DCLK1: variants seen among roughly 807,000 people sequenced by gnomAD.
The protein encoded by DCLK1 is doublecortin like kinase 1, also known as serine/threonine-protein kinase DCLK1.
Under a neutral mutation model 86.2 loss-of-function variants are expected in DCLK1, and 16 were observed. The ratio of observed to expected loss-of-function variants is 0.19; its 90% CI spans 0.13 to 0.28. DCLK1 has a LOEUF of 0.28. DCLK1 is among the 10% of genes least tolerant of loss of function. The probability of loss-of-function intolerance (pLI) is 1.00; values close to 1 mark genes in which losing one functional copy is unlikely to be tolerated. For synonymous variants in DCLK1, 369 were observed against 370.5 expected (o/e 1.00, Z 0.05); for missense variants, 590 against 940.2 (o/e 0.63, Z 4.87).
chr13:35,933,221 T>C (rs1876555254), intron 4 of DCLK1, among the ~76,000 whole-genome samples: 1 of 152,212 alleles, frequency 6.6e-6, no homozygotes, highest in Admixed American at 6.5e-5. Context: ...GCCCTGTGGC[T>C]TTGCAAGGTA....
chr13:35,979,294 G>A (rs1470653476), intron 3 of DCLK1, among the ~76,000 whole-genome samples: 1 of 152,132 alleles, frequency 6.6e-6, no homozygotes, highest in Admixed American at 6.6e-5. Flanking sequence ...CAGAAGACCC[G>A]GCCGGGGAAG....
In DCLK1 at chr13:36,006,889, G is replaced by A. The variant is rs567789719; in HGVS notation, c.724-59432C>T. The stretch of plus-strand genomic sequence containing the variant: ...CTATGAGAATCAGATAAGAGAGTAT[G>A]TATTTGGAAGACCGTCTTGATACCT... On this transcript the variant is annotated intron_variant, in intron 3 of 16. Coordinates refer to ENST00000360631, the MANE Select transcript of DCLK1 (RefSeq NM_001330071.2). Among the ~76,000 whole-genome samples, 16 of 152,352 alleles carry A rather than the reference G, an allele frequency of 1.1e-4. No homozygotes were observed. In the South Asian group the frequency reaches 2.5e-3, roughly 24 times the overall value.
chr13:35,809,404 A>G (rs546928257), intron 12 of DCLK1, among the ~76,000 whole-genome samples: 2 of 152,350 alleles, frequency 1.3e-5, no homozygotes, highest in South Asian at 4.1e-4. Context: ...AACAATTCTG[A>G]GATAAGGATG....
At chr13:36,081,808 G>A (rs1203869233) in intron 3 of DCLK1, among the ~76,000 whole-genome samples, 1 of 152,134 alleles carries the variant, frequency 6.6e-6, no homozygotes, top group African/African-American at 2.4e-5. Context: ...AGATAAAACA[G>A]AGCGACCGAT....
rs1869363401 is a variant in DCLK1, at chr13:35,836,161, T to G, written c.1121-20A>C. 2 of 1,582,278 alleles carry G rather than the reference T, an allele frequency of 1.3e-6. No individual in the cohort carries two copies. The highest frequency in any genetic ancestry group is 4.5e-5 in the East Asian group (2 of 44,710). On this transcript the variant is annotated intron_variant, in intron 7 of 16. Coordinates refer to ENST00000360631, the MANE Select transcript of DCLK1 (RefSeq NM_001330071.2). ...ACACTTCTGAAAGAATCATTAATACTTTTTTATTGGTTGAAAAGGGAACAC... is the reference window on the plus strand; with the variant it reads ...ACACTTCTGAAAGAATCATTAATACGTTTTTATTGGTTGAAAAGGGAACAC...
intron 3 of DCLK1, among the ~76,000 whole-genome samples, chr13:35,956,337 G>A (rs908332122): frequency 1.4e-4 from 22 of 152,144 alleles, no homozygotes; most frequent in Non-Finnish European, 2.6e-4. Context: ...CTATTGCTGA[G>A]AGGCAAACTT....
At chr13:35,899,737 T>G (rs1003172889) in intron 4 of DCLK1, among the ~76,000 whole-genome samples, 2 of 152,118 alleles carry the variant, frequency 1.3e-5, no homozygotes, top group African/African-American at 2.4e-5. Context: ...AACTTACAAC[T>G]TTGGAAGCTT....
rs373959374 is a variant in DCLK1 at position 35,833,509 on chromosome 13, C to G, written c.1229+2524G>C. Among the ~76,000 whole-genome samples, 7 of 152,274 alleles carry G rather than the reference C, an allele frequency of 4.6e-5. No individual in the cohort carries two copies. The East Asian group carries it at 1.2e-3, about 25-fold the overall frequency. ...TAGTATGTCCCAGGTACCCCAGAGG[C>G]CACTCAAGAAGTTACTCCTGGAGCA... On this transcript the variant is annotated intron_variant, in intron 8 of 16. Transcript: ENST00000360631.
intron 3 of DCLK1, among the ~76,000 whole-genome samples, chr13:36,041,082 C>A (rs1184531898): frequency 6.6e-6 from 1 of 152,004 alleles, no homozygotes; most frequent in Non-Finnish European, 1.5e-5. Context: ...TATTAAACAC[C>A]AAAATCCAGG....
intron 4 of DCLK1, among the ~76,000 whole-genome samples, chr13:35,943,601 G>A (rs920002882): frequency 6.6e-6 from 1 of 152,148 alleles, no homozygotes; most frequent in East Asian, 1.9e-4. Context: ...GCCTGGCCAA[G>A]GTGAGGCTCC....
rs78315018 is a variant in DCLK1 at position 35,791,652 on chromosome 13, C to G, written c.2058+1714G>C. The stretch of plus-strand genomic sequence containing the variant: ...GGAAAATTGCCCTGACGTTCCTGCC[C>G]TTAGTCATTGTAAGACTCCTAGAAT... On this transcript the variant is annotated intron_variant, in intron 16 of 16. Transcript: ENST00000360631. Among the ~76,000 whole-genome samples, 997 of 152,182 alleles carry G rather than the reference C, an allele frequency of 6.6e-3. 5 individuals are homozygous for G. The highest frequency in any genetic ancestry group is 0.022 in the African/African-American group (895 of 41,516).
intron 3 of DCLK1, among the ~76,000 whole-genome samples, chr13:36,019,416 G>T (rs536237818): frequency 2.0e-5 from 3 of 152,180 alleles, no homozygotes; most frequent in Admixed American, 2.0e-4. Flanking sequence ...TAGATTAACA[G>T]ATAATTATTT....
chr13:36,049,498 A>G (rs1176840332), intron 3 of DCLK1, among the ~76,000 whole-genome samples: 1 of 152,160 alleles, frequency 6.6e-6, no homozygotes, highest in East Asian at 1.9e-4. Context: ...CAATATTCCA[A>G]GTCCTCTAAG....
At chr13:35,918,752 A>G (rs774822530) in intron 4 of DCLK1, among the ~76,000 whole-genome samples, 7 of 152,124 alleles carry the variant, frequency 4.6e-5, no homozygotes, top group Admixed American at 4.6e-4. Flanking sequence ...TCTACCTCAC[A>G]GATAGTTGCA....
chr13:35,882,279 G>T (rs1434946169), intron 4 of DCLK1, among the ~76,000 whole-genome samples: 1 of 152,048 alleles, frequency 6.6e-6, no homozygotes, highest in Non-Finnish European at 1.5e-5. Flanking sequence ...TCTTTCTTAG[G>T]TGGACATTTG....
At chr13:36,043,713 T>C (rs1183700416) in intron 3 of DCLK1, among the ~76,000 whole-genome samples, 1 of 152,206 alleles carries the variant, frequency 6.6e-6, no homozygotes, top group Non-Finnish European at 1.5e-5. Context: ...GATTTTATAA[T>C]TGCAACACTG....
intron 4 of DCLK1, among the ~76,000 whole-genome samples, chr13:35,894,571 C>T (rs1439195101): frequency 6.6e-6 from 1 of 151,980 alleles, no homozygotes; most frequent in African/African-American, 2.4e-5. Flanking sequence ...AGAGTGTCCT[C>T]AAGAAAAAGA....
At chr13:36,108,236 C>T (rs552798938) in intron 3 of DCLK1, among the ~76,000 whole-genome samples, 2 of 152,264 alleles carry the variant, frequency 1.3e-5, no homozygotes, top group Admixed American at 6.5e-5. Flanking sequence ...AGCTTCAGTG[C>T]CCCTGAATAA....
chr13:35,832,557 T>A (rs73176197), intron 8 of DCLK1, among the ~76,000 whole-genome samples: 2 of 152,100 alleles, frequency 1.3e-5, no homozygotes, highest in Non-Finnish European at 2.9e-5. Context: ...AGCATAAGCC[T>A]GAACTAGGAG....
Sources: allele counts gnomAD v4.1 joint callset (sites outside exome capture counted in the v4.1 genomes callset), GRCh38; gene constraint gnomAD v4.1.1; transcripts MANE v1.5; gene names NCBI Gene and HGNC (gene_info 2026-07-23, HGNC 2026-07-21).